Variants in ATXN1 observed in about 807,000 individuals in gnomAD.
ATXN1 encodes ataxin-1.
In ATXN1, 8 loss-of-function variants were observed where a neutral mutation model predicts 56.4. The observed-to-expected ratio is 0.14, with a 90% CI of 0.08 to 0.26. The LOEUF (loss-of-function observed/expected upper bound fraction) is 0.26, where lower values mean the gene tolerates loss of function less well. ATXN1 is among the 10% of genes least tolerant of loss of function. The pLI, the probability that ATXN1 is intolerant of heterozygous loss-of-function variation, is 1.00. For synonymous variants in ATXN1, 514 were observed against 494.6 expected (o/e 1.04, Z -0.52); for missense variants, 987 against 1,106.5 (o/e 0.89, Z 1.53).
rs776303240 is a variant in ATXN1, at chr6:16,326,793, C to T, written c.1518G>A (p.Pro506=). 1.5e-5 allele frequency: 24 copies of T among 1,609,984 alleles called. No individual in the cohort carries two copies. The highest frequency in any genetic ancestry group is 3.3e-5 in the South Asian group (3 of 90,766). The change falls in exon 7 of 8, where the codon CCG becomes CCA. Residue 506 remains proline (P), a synonymous_variant. Coordinates refer to ENST00000436367, the MANE Select transcript of ATXN1 (RefSeq NM_001128164.2). The surrounding 1 kb of genome is among the most constrained non-coding windows in gnomAD (Gnocchi z 6.6). ...ACTGGGGGGATGACGTGACTATGGC[C>T]GGGGCTGCCCCCGACGCTTCCATGT... is the stretch of plus-strand genomic sequence containing the variant. ...STDMEASGAA[P]AIVTSSPQFA...
At chr6:16,682,030 C>T (rs534528666) in intron 2 of ATXN1, among the ~76,000 whole-genome samples, 2 of 152,124 alleles carry the variant, frequency 1.3e-5, no homozygotes, top group East Asian at 1.9e-4. Context: ...CTTGGTTAGC[C>T]GCTGTTCTCC....
intron 6 of ATXN1, among the ~76,000 whole-genome samples, chr6:16,409,931 G>T (rs404160): frequency 1.3e-5 from 2 of 152,158 alleles, no homozygotes; most frequent in African/African-American, 4.8e-5. Flanking sequence ...GCGAAAACAA[G>T]GAACAGATTT....
At chr6:16,675,407 A>G (rs1295409176) in intron 2 of ATXN1, among the ~76,000 whole-genome samples, 1 of 152,202 alleles carries the variant, frequency 6.6e-6, no homozygotes, top group Non-Finnish European at 1.5e-5. Context: ...ATCACACAAC[A>G]TACTCATTAG....
intron 2 of ATXN1, among the ~76,000 whole-genome samples, chr6:16,690,937 T>C (rs1759031852): frequency 6.6e-6 from 1 of 152,120 alleles, no homozygotes; most frequent in African/African-American, 2.4e-5. Context: ...GATTACGAAA[T>C]AATGACTAAG....
chr6:16,421,791 T>C (rs1020401489), intron 6 of ATXN1, among the ~76,000 whole-genome samples: 1 of 152,106 alleles, frequency 6.6e-6, no homozygotes, highest in Non-Finnish European at 1.5e-5. Context: ...GGCGTTGATA[T>C]GCATACATGT....
intron 6 of ATXN1, among the ~76,000 whole-genome samples, chr6:16,382,290 A>G (rs536386142): frequency 6.7e-6 from 1 of 148,630 alleles, no homozygotes; most frequent in East Asian, 2.0e-4. Flanking sequence ...ACAGAGCGAG[A>G]TTCCATCTCA....
chr6:16,680,370 C>A (rs1453503275), intron 2 of ATXN1, among the ~76,000 whole-genome samples: 5 of 152,204 alleles, frequency 3.3e-5, no homozygotes, highest in African/African-American at 7.2e-5. Flanking sequence ...CCTTTTCTTT[C>A]TTTTCCTTCT....
At chr6:16,354,208 A>G (rs1351966610) in intron 6 of ATXN1, among the ~76,000 whole-genome samples, 2 of 152,264 alleles carry the variant, frequency 1.3e-5, no homozygotes, top group East Asian at 1.9e-4. Context: ...GTACCTCCCT[A>G]AAACAGTGCC....
At chr6:16,692,288 C>T (rs1759064386) in intron 2 of ATXN1, among the ~76,000 whole-genome samples, 1 of 152,180 alleles carries the variant, frequency 6.6e-6, no homozygotes, top group Non-Finnish European at 1.5e-5. Flanking sequence ...TATTTGTAAC[C>T]ATTGAAGTAA....
chr6:16,731,255 C>T (rs1356326694), intron 2 of ATXN1, among the ~76,000 whole-genome samples: 2 of 151,854 alleles, frequency 1.3e-5, no homozygotes, highest in East Asian at 1.9e-4. Context: ...CACTAGACCC[C>T]GTTCTAAGAT....
At chr6:16,749,268 A>C (rs1760635636) in intron 2 of ATXN1, among the ~76,000 whole-genome samples, 1 of 152,244 alleles carries the variant, frequency 6.6e-6, no homozygotes, top group African/African-American at 2.4e-5. Flanking sequence ...ATTGTGATTT[A>C]CGCATATCAT....
chr6:16,599,928 T>C (rs1179386171), intron 3 of ATXN1, among the ~76,000 whole-genome samples: 2 of 152,312 alleles, frequency 1.3e-5, no homozygotes, highest in South Asian at 2.1e-4. Context: ...TGTTCACTGC[T>C]GTAGTGTTAT....
At chr6:16,594,939 T>C (rs1015508789) in intron 3 of ATXN1, among the ~76,000 whole-genome samples, 32 of 152,210 alleles carry the variant, frequency 2.1e-4, no homozygotes, top group African/African-American at 7.7e-4. Flanking sequence ...CATTAACTAA[T>C]GACTTAGATT....
chr6:16,310,526 A>G (rs112839209), intron 7 of ATXN1, among the ~76,000 whole-genome samples: 9,806 of 152,200 alleles, frequency 0.064, 565 homozygotes, highest in South Asian at 0.17. Flanking sequence ...TCTGTCGCCC[A>G]GGCTGGAGTG....
At chr6:16,355,810 C>G (rs939954865) in intron 6 of ATXN1, among the ~76,000 whole-genome samples, 1 of 152,162 alleles carries the variant, frequency 6.6e-6, no homozygotes, top group African/African-American at 2.4e-5. Flanking sequence ...GTGATCCACC[C>G]GCCTTGGCCT....
At chr6:16,332,919 T>C (rs964009649) in intron 6 of ATXN1, among the ~76,000 whole-genome samples, 2 of 152,230 alleles carry the variant, frequency 1.3e-5, no homozygotes, top group Non-Finnish European at 2.9e-5. Flanking sequence ...CACCCAGTCC[T>C]GCATTTTAAC....
At position 16,490,956 on chromosome 6, in the gene ATXN1, C is replaced by T. The variant is rs567677231; in HGVS notation, c.-298-4847G>A. Among the ~76,000 whole-genome samples the T allele has an allele frequency of 5.9e-5, 9 of 152,288 alleles. No homozygotes were observed. The East Asian group carries it at 1.7e-3, about 29-fold the overall frequency. On this transcript the variant is annotated intron_variant, in intron 5 of 7. Transcript: ENST00000436367. ...TGCTACTAACAGCTGGTTTCTTTAG[C>T]CACCTCTTACAGAAAGCCCACTGGA... is the stretch of plus-strand genomic sequence containing the variant.
intron 2 of ATXN1, among the ~76,000 whole-genome samples, chr6:16,676,638 A>G (rs1238336048): frequency 1.3e-5 from 2 of 152,198 alleles, no homozygotes; most frequent in Non-Finnish European, 2.9e-5. Context: ...AAGCAGTCTG[A>G]GTGGTGGAAT....
chr6:16,387,634 G>C (rs1758268639), intron 6 of ATXN1, among the ~76,000 whole-genome samples: 1 of 152,228 alleles, frequency 6.6e-6, no homozygotes, highest in Non-Finnish European at 1.5e-5. Context: ...TCATGAGCGG[G>C]AGAGCTCTGC....
Sources: allele counts gnomAD v4.1 joint callset (sites outside exome capture counted in the v4.1 genomes callset), GRCh38; gene constraint gnomAD v4.1.1; non-coding constraint Gnocchi (gnomAD v3.1); transcripts MANE v1.5; gene names NCBI Gene and HGNC (gene_info 2026-07-23, HGNC 2026-07-21).